SF3B3: variants seen among roughly 807,000 people sequenced by gnomAD.
SF3B3 encodes the protein splicing factor 3b subunit 3, also known as SAP 130.
Under a neutral mutation model 139.2 loss-of-function variants are expected in SF3B3, and 33 were observed. That is an observed-to-expected ratio of 0.24 (90% CI 0.18 to 0.32). The LOEUF (loss-of-function observed/expected upper bound fraction) is 0.32. SF3B3 is among the 10% of genes least tolerant of loss of function. The pLI is 1.00. For missense variants in SF3B3, 818 were observed against 1,509.4 expected, an observed-to-expected ratio of 0.54 and a Z score of 7.59; for synonymous variants, 596 against 563.6, an observed-to-expected ratio of 1.06 and a Z score of -0.81.
rs2050220413 is a variant in SF3B3 at position 70,541,708 on chromosome 16, A to T, written c.1107A>T (p.Glu369Asp). Reference sequence around the variant, plus strand: ...TTGCACATCTTGGAGATGATGATGAAGAACCTGAGTTTTCATCAGCCATGC... The same window carrying T: ...TTGCACATCTTGGAGATGATGATGATGAACCTGAGTTTTCATCAGCCATGC... ...YQIAHLGDDD[E>D]EPEFSSAMPL... Residue 369 changes from glutamate (E) to aspartate (D), a missense_variant, in exon 9 of 26, where the codon GAA becomes GAT. This residue lies in a region of SF3B3 where 80 missense variants were observed against 206.5 expected (regional missense o/e 0.39). Transcript: ENST00000302516. 2 of 1,614,094 alleles carry T rather than the reference A, an allele frequency of 1.2e-6. No individual in the cohort carries two copies. The highest frequency in any genetic ancestry group is 4.5e-5 in the East Asian group (2 of 44,880).
chr16:70,542,335 CAGTTCCTCTTTAA>C (rs2050226850), intron 9 of SF3B3, among the ~76,000 whole-genome samples: 2 of 152,254 alleles, frequency 1.3e-5, no homozygotes, highest in South Asian at 4.1e-4. Flanking sequence ...AATTTTACCA[CAGTTCCTCTTTAA>C]AATAGTTCTG....
intron 3 of SF3B3, 180 bp downstream of exon 3, chr16:70,529,379 A>G: frequency 1.7e-6 from 1 of 593,386 alleles, no homozygotes; most frequent in Non-Finnish European, 3.0e-6. Context: ...AAACAATGGG[A>G]AAAATCTTAA....
chr16:70,527,587 T>A (rs1447648699), intron 2 of SF3B3, among the ~76,000 whole-genome samples: 1 of 152,150 alleles, frequency 6.6e-6, no homozygotes, highest in African/African-American at 2.4e-5. Context: ...CGGGTTTGAG[T>A]CTTCATTTGG....
Position 70,541,687 on chromosome 16 carries a change from A to C in SF3B3, c.1086A>C (p.Ala362=), listed in dbSNP as rs778894530. Residue 362 remains alanine (A), a synonymous_variant, in exon 9 of 26, where the codon GCA becomes GCC. Coordinates refer to ENST00000302516, the MANE Select transcript of SF3B3 (RefSeq NM_012426.5). The part of the protein sequence containing the change: ...EFGNHYLYQI[A]HLGDDDEEPE... Reference sequence around the variant, plus strand: ...TTCCCAGTTACTTATATCAAATTGCACATCTTGGAGATGATGATGAAGAAC... The same window carrying C: ...TTCCCAGTTACTTATATCAAATTGCCCATCTTGGAGATGATGATGAAGAAC... 6.0e-5 allele frequency: 97 copies of C among 1,613,832 alleles called. No individual in the cohort carries two copies. Among genetic ancestry groups the C allele is most frequent in the Non-Finnish European group, 8.1e-5 (96 of 1,179,890 alleles).
rs1176525567 is a variant in SF3B3 at position 70,574,819 on chromosome 16, A to G, written c.*3006A>G. ...CTAAATTCTGTTTTCTATTCAAAGT[A>G]AAAATGACATGTGTTTGAGTCATCC... On this transcript the variant is annotated 3_prime_UTR_variant, in exon 26 of 26. Coordinates refer to ENST00000302516, the MANE Select transcript of SF3B3 (RefSeq NM_012426.5). The G allele has an allele frequency of 6.6e-6, 1 of 152,228 alleles. No individual in the cohort carries two copies. The highest frequency in any genetic ancestry group is 1.5e-5 in the Non-Finnish European group (1 of 68,040). 9.4% of individuals were successfully genotyped at this position (152,228 alleles called of 1,614,324 possible).
At chr16:70,525,715 C>A (rs564075593) in intron 1 of SF3B3, among the ~76,000 whole-genome samples, 1 of 152,066 alleles carries the variant, frequency 6.6e-6, no homozygotes, top group Non-Finnish European at 1.5e-5. Context: ...CGCCTGTAAT[C>A]CTAGCACTTT....
chr16:70,537,173 C>G (rs189539075), intron 6 of SF3B3, among the ~76,000 whole-genome samples: 208 of 152,254 alleles, frequency 1.4e-3, no homozygotes, highest in Non-Finnish European at 2.1e-3. Context: ...TTTAATATTT[C>G]TGATATAATT....
chr16:70,556,096 T>G (rs950159611), intron 13 of SF3B3, 83 bp from the exon 14 acceptor site: 1 of 1,411,728 alleles, frequency 7.1e-7, no homozygotes, highest in African/African-American at 1.4e-5. Flanking sequence ...CTTCATTCTC[T>G]GGATCCAGGG....
rs894947400 is a variant in SF3B3, at chr16:70,535,362, T to C, written c.767T>C (p.Ile256Thr). 6.2e-7 allele frequency: 1 copy of C among 1,612,260 alleles called. No homozygotes were observed. Among genetic ancestry groups the C allele is most frequent in the Admixed American group, 1.7e-5 (1 of 59,774 alleles). The change falls in exon 6 of 26, where the codon ATT (isoleucine) becomes ACT (threonine). Residue 256 changes from isoleucine to threonine, a missense_variant. Ile to Thr is a moderately conservative substitution (Grantham distance 89). Around this residue, in one of 14 missense-constraint regions of SF3B3, gnomAD observed 80 missense variants for 206.5 expected, o/e 0.39. Coordinates refer to ENST00000302516, the MANE Select transcript of SF3B3 (RefSeq NM_012426.5). ...SGVLICSENY[I>T]TYKNFGDQPD... The stretch of plus-strand genomic sequence containing the variant: ...GTACTGATCTGCTCTGAAAACTATA[T>C]TACTTACAAGAACTTTGGTGACCAG...
At chr16:70,547,431 A>T (rs1294149679) in intron 10 of SF3B3, among the ~76,000 whole-genome samples, 1 of 152,210 alleles carries the variant, frequency 6.6e-6, no homozygotes, top group Non-Finnish European at 1.5e-5. Context: ...ACCTACACCC[A>T]GTTTTCCCCT....
In SF3B3 at chr16:70,536,807, C is replaced by CTTT. The variant is rs34747226; in HGVS notation, c.825+1406_825+1408dup. On this transcript the variant is annotated intron_variant, in intron 6 of 25. Transcript: ENST00000302516. The stretch of plus-strand genomic sequence containing the variant: ...CTGCCAGTCTGGGCTAATTTTCTTT[C>CTTT]TTTTTTTTTTTTTTTTTTTTTAAGA... Among the ~76,000 whole-genome samples the CTTT allele has an allele frequency of 9.0e-5, 11 of 122,652 alleles. No individual in the cohort carries two copies. In the South Asian group the frequency reaches 1.1e-3, roughly 12 times the overall value. 80.5% of individuals were successfully genotyped at this position (122,652 alleles called of 152,430 possible).
chr16:70,530,173 A>G (rs1417708084), intron 3 of SF3B3, among the ~76,000 whole-genome samples: 1 of 151,198 alleles, frequency 6.6e-6, no homozygotes, highest in East Asian at 1.9e-4. Context: ...TAAATAAATA[A>G]GAGAGAGATG....
At chr16:70,566,713 A>G (rs2050480499) in intron 20 of SF3B3, among the ~76,000 whole-genome samples, 1 of 152,186 alleles carries the variant, frequency 6.6e-6, no homozygotes, top group Non-Finnish European at 1.5e-5. Flanking sequence ...GAAATACTTC[A>G]TAGACCCTTT....
At chr16:70,532,966 T>C (rs2050135377) in intron 5 of SF3B3, among the ~76,000 whole-genome samples, 1 of 152,134 alleles carries the variant, frequency 6.6e-6, no homozygotes, top group Admixed American at 6.6e-5. Flanking sequence ...CCAAACAAAA[T>C]GGACAGACCC....
Position 70,526,571 on chromosome 16 carries a change from T to C in SF3B3, c.-70-16T>C. The C allele has an allele frequency of 1.1e-6, 1 of 905,160 alleles. No homozygotes were observed. The highest frequency in any genetic ancestry group is 1.8e-6 in the Non-Finnish European group (1 of 571,286). 56.1% of individuals were successfully genotyped at this position (905,160 alleles called of 1,614,324 possible). On this transcript the variant is annotated splice_polypyrimidine_tract_variant and intron_variant, in intron 1 of 25. Transcript: ENST00000302516. Reference sequence around the variant, plus strand: ...TAATAGTCTCCCAGCTATTTTTCTGTTTTCTGTTTTCTTAGCTTTCTTGGA... The same window carrying C: ...TAATAGTCTCCCAGCTATTTTTCTGCTTTCTGTTTTCTTAGCTTTCTTGGA...
At chr16:70,530,542 C>T (rs2050111762) in intron 3 of SF3B3, among the ~76,000 whole-genome samples, 1 of 151,862 alleles carries the variant, frequency 6.6e-6, no homozygotes, top group South Asian at 2.1e-4. Context: ...TGGTCTTGAA[C>T]TCCTGACCTC....
rs761866833 is a variant in SF3B3 at position 70,574,561 on chromosome 16, C to G, written c.*2748C>G. The stretch of plus-strand genomic sequence containing the variant: ...TTGACCAGGCTAGAGGGCTGTGGTG[C>G]GATCTCAGCCCACTGCAACCTCTAT... On this transcript the variant is annotated 3_prime_UTR_variant, in exon 26 of 26. Transcript: ENST00000302516. 6.6e-5 allele frequency: 10 copies of G among 152,210 alleles called. No individual in the cohort carries two copies. The highest frequency in any genetic ancestry group is 1.0e-4 in the Non-Finnish European group (7 of 68,050). 9.4% of individuals were successfully genotyped at this position (152,210 alleles called of 1,614,324 possible).
intron 15 of SF3B3, among the ~76,000 whole-genome samples, chr16:70,557,371 T>G (rs2050388466): frequency 6.6e-6 from 1 of 152,220 alleles, no homozygotes; most frequent in Non-Finnish European, 1.5e-5. Flanking sequence ...ATTGGCTTCA[T>G]TAGCAATAAA....
At chr16:70,562,897 T>C (rs1022808703) in intron 17 of SF3B3, among the ~76,000 whole-genome samples, 25 of 152,172 alleles carry the variant, frequency 1.6e-4, no homozygotes, top group African/African-American at 6.0e-4. Flanking sequence ...GGTGTGATCA[T>C]GGCTCACTGC....
Sources: gnomAD v4.1 joint callset for allele counts (sites outside exome capture counted in the v4.1 genomes callset) on GRCh38, gnomAD v4.1.1 for gene constraint, gnomAD v4.1.1 regional missense constraint, MANE v1.5 for transcripts, NCBI Gene and HGNC (gene_info 2026-07-23, HGNC 2026-07-21) for gene names.